The following FAM169A variants were observed in gnomAD, a reference collection of about 807,000 sequenced individuals.
FAM169A encodes family with sequence similarity 169 member A.
FAM169A carries 24 observed loss-of-function variants against 75.7 expected under a neutral mutation model. The observed-to-expected ratio is 0.32, with a 90% CI of 0.23 to 0.45. FAM169A has a LOEUF of 0.45. Ranked by LOEUF, FAM169A falls within the 20% of genes least tolerant of loss-of-function variation. The pLI is 1.00. For synonymous variants in FAM169A, 271 were observed against 271.0 expected, an observed-to-expected ratio of 1.00 and a Z score of 0.00; for missense variants, 673 against 784.0, an observed-to-expected ratio of 0.86 and a Z score of 1.69.
intron 12 of FAM169A, 71 bp downstream of exon 12, chr5:74,782,860 C>A: frequency 9.1e-7 from 1 of 1,094,092 alleles, no homozygotes. Flanking sequence ...AATATATATA[C>A]CATGCACCCT....
chr5:74,866,453 C>T (rs1750354602), upstream of FAM169A: 1 of 888,806 alleles, frequency 1.1e-6, no homozygotes, highest in Non-Finnish European at 1.3e-6. Flanking sequence ...TCCCCCCGCC[C>T]GCCAGCGCGG....
intron 6 of FAM169A, among the ~76,000 whole-genome samples, chr5:74,811,286 T>G (rs1481349659): frequency 6.6e-6 from 1 of 152,180 alleles, no homozygotes; most frequent in Non-Finnish European, 1.5e-5. Context: ...TAGCTGATAA[T>G]CATCTGTAAA....
intron 1 of FAM169A, among the ~76,000 whole-genome samples, chr5:74,858,928 ACAAGG>A (rs1378901649): frequency 6.6e-6 from 1 of 152,112 alleles, no homozygotes; most frequent in Non-Finnish European, 1.5e-5. Context: ...TAAAAACAAA[ACAAGG>A]CTGTGCATGG....
At chr5:74,835,166 C>T (rs1748506071) in intron 4 of FAM169A, among the ~76,000 whole-genome samples, 1 of 152,028 alleles carries the variant, frequency 6.6e-6, no homozygotes, top group Non-Finnish European at 1.5e-5. Context: ...TCAACAAAGA[C>T]GGGGATACCA....
In FAM169A at chr5:74,777,641, G is replaced by A. The variant is rs529005218; in HGVS notation, c.*3819C>T. The A allele has an allele frequency of 6.6e-6, 1 of 151,442 alleles. No homozygotes were observed. The highest frequency in any genetic ancestry group is 1.9e-4 in the East Asian group (1 of 5,136). The allele number at this position is 151,442 out of a possible 1,614,324, so 9.4% of individuals were successfully genotyped here. A position where few individuals can be genotyped will look rare whatever the true frequency, so the allele number is the denominator to read the frequency against. On this transcript the variant is annotated 3_prime_UTR_variant, in exon 13 of 13. Coordinates refer to ENST00000687041, the MANE Select transcript of FAM169A (RefSeq NM_001376049.1). ...CAGAGTACAACCAATGTGATTAATT[G>A]TGCCTTTAACAAAGTCATTCAATGT...
chr5:74,795,076 G>C (rs1270233653), intron 11 of FAM169A, among the ~76,000 whole-genome samples: 1 of 152,094 alleles, frequency 6.6e-6, no homozygotes, highest in Non-Finnish European at 1.5e-5. Context: ...TGGCCAAAGT[G>C]GTGAAACCCC....
chr5:74,866,524 CGCCGGCCCGGCAGGTGCGGGCTTG>C (rs1750358216), upstream of FAM169A: 1 of 592,826 alleles, frequency 1.7e-6, no homozygotes, highest in African/African-American at 2.0e-5. Context: ...GGCTTTCAGG[CGCCGGCCCGGCAGGTGCGGGCTTG>C]GCCAGCCCGG....
intron 5 of FAM169A, among the ~76,000 whole-genome samples, chr5:74,825,486 T>C (rs547772753): frequency 1.1e-4 from 17 of 152,306 alleles, no homozygotes; most frequent in South Asian, 8.3e-4. Flanking sequence ...ACAACTGACA[T>C]AGCTGTGATG....
chr5:74,857,108 C>CAAAA (rs772315121), intron 1 of FAM169A, among the ~76,000 whole-genome samples: 7 of 67,896 alleles, frequency 1.0e-4, no homozygotes, highest in Non-Finnish European at 1.1e-4. Flanking sequence ...GACTCCACCT[C>CAAAA]AAAAAAAAAA....
At chr5:74,812,193 G>A (rs762637388) in intron 6 of FAM169A, among the ~76,000 whole-genome samples, 12 of 151,994 alleles carry the variant, frequency 7.9e-5, no homozygotes, top group Middle Eastern at 3.2e-3. Flanking sequence ...GTGCAATCTC[G>A]GCTCACTGCA....
intron 1 of FAM169A, among the ~76,000 whole-genome samples, chr5:74,850,776 A>T (rs569278266): frequency 2.0e-5 from 3 of 152,382 alleles, no homozygotes; most frequent in African/African-American, 7.2e-5. Context: ...ATACCTTAAT[A>T]CAGATGAATA....
chr5:74,785,060 G>T (rs532947391), intron 11 of FAM169A, among the ~76,000 whole-genome samples: 2 of 151,940 alleles, frequency 1.3e-5, no homozygotes, highest in Admixed American at 1.3e-4. Context: ...CGTGGCTCAC[G>T]CCTATAATCC....
chr5:74,804,598 A>G lies in FAM169A; in HGVS notation c.807T>C (p.Ser269=), dbSNP rs1188241553. The G allele has an allele frequency of 6.3e-7, 1 of 1,585,180 alleles. No homozygotes were observed. Among genetic ancestry groups the G allele is most frequent in the South Asian group, 1.1e-5 (1 of 89,644 alleles). The change falls in exon 8 of 13, where the codon TCT becomes TCC. Residue 269 remains serine, a synonymous_variant. Coordinates refer to ENST00000687041, the MANE Select transcript of FAM169A (RefSeq NM_001376049.1). ...QREALKILAL[S]QNEPKRPMSG... is the part of the protein sequence containing the mutation. ...ACATAGGTCTTTTAGGTTCATTTTG[A>G]GAAAGTGCTGCGTATAGAAGAATTT...
At chr5:74,793,422 T>C (rs927576270) in intron 11 of FAM169A, among the ~76,000 whole-genome samples, 5 of 151,400 alleles carry the variant, frequency 3.3e-5, no homozygotes, top group African/African-American at 1.2e-4. Flanking sequence ...CTGCATGGAG[T>C]TGGAGACCAT....
intron 5 of FAM169A, among the ~76,000 whole-genome samples, chr5:74,817,142 A>G (rs974163522): frequency 1.1e-4 from 17 of 152,146 alleles, no homozygotes. Flanking sequence ...GAAAAAGACA[A>G]GGATATTTAC....
chr5:74,863,341 TA>T (rs1365230107), intron 1 of FAM169A, among the ~76,000 whole-genome samples: 19 of 152,316 alleles, frequency 1.2e-4, no homozygotes, highest in Middle Eastern at 3.4e-3. Context: ...ATTTAGAACT[TA>T]AATTTCAGAG....
chr5:74,800,222 A>T, intron 10 of FAM169A: 1 of 225,294 alleles, frequency 4.4e-6, no homozygotes, highest in East Asian at 1.2e-4. Flanking sequence ...TGAATATAAA[A>T]TTGGTGAAAA....
chr5:74,841,615 T>G lies in FAM169A; in HGVS notation c.62A>C (p.Glu21Ala), dbSNP rs1287096598. 6.2e-7 allele frequency: 1 copy of G among 1,613,114 alleles called. No individual in the cohort carries two copies. Among genetic ancestry groups the G allele is most frequent in the South Asian group, 1.1e-5 (1 of 91,068 alleles). ...ACACCTTAAATCTGACATGTAATCT[T>G]CAGCAGAATTTTCCAATTCCTCATG... ...CSHEELENSA[E>A]DYMSDLRCGD... Residue 21 changes from glutamate (E) to alanine (A), a missense_variant, in exon 2 of 13, where the codon GAA (glutamate) becomes GCA (alanine). Physicochemically the swap from Glu to Ala is moderately radical, Grantham distance 107. Transcript: ENST00000687041.
intron 1 of FAM169A, among the ~76,000 whole-genome samples, chr5:74,844,937 A>G (rs1477661290): frequency 1.3e-5 from 2 of 152,234 alleles, no homozygotes; most frequent in African/African-American, 4.8e-5. Flanking sequence ...GTTGGCATTT[A>G]CCCAATAACC....
Sources: gnomAD v4.1 joint callset for allele counts (sites outside exome capture counted in the v4.1 genomes callset) on GRCh38, gnomAD v4.1.1 for gene constraint, MANE v1.5 for transcripts, NCBI Gene and HGNC (gene_info 2026-07-23, HGNC 2026-07-21) for gene names.